KIRREL3: variants seen among roughly 807,000 people sequenced by gnomAD.
KIRREL3 encodes the protein kin of IRRE-like protein 3.
Under a neutral mutation model 89.7 loss-of-function variants are expected in KIRREL3, and 36 were observed. The ratio of observed to expected loss-of-function variants is 0.40; its 90% CI spans 0.31 to 0.53. The LOEUF (loss-of-function observed/expected upper bound fraction) is 0.53, where lower values mean the gene tolerates loss of function less well. Ranked by LOEUF, KIRREL3 falls within the 20% of genes least tolerant of loss-of-function variation. KIRREL3 has a pLI of 0.49. For missense variants in KIRREL3, 864 were observed against 1,056.6 expected (o/e 0.82, Z 2.53); for synonymous variants, 445 against 441.4 (o/e 1.01, Z -0.10).
rs1274111623 is a variant in KIRREL3, at chr11:126,898,985, A to T, written c.55+101470T>A. Among the ~76,000 whole-genome samples the T allele has an allele frequency of 2.9e-5, 4 of 137,612 alleles. No homozygotes were observed. The highest frequency in any genetic ancestry group is 1.2e-4 in the African/African-American group (4 of 34,058). 90.3% of individuals were successfully genotyped at this position (137,612 alleles called of 152,430 possible). On this transcript the variant is annotated intron_variant, in intron 1 of 16. Transcript: ENST00000525144. This position sits in a 1 kb window ranked among gnomAD's most constrained non-coding sequence, Gnocchi z 4.9. ...AATCAGAGGGGGATGCTGTAAGATG[A>T]GACTTAAAAGCCGCAGGGGAGTTTG...
At position 126,430,257 on chromosome 11, in the gene KIRREL3, C is replaced by A. The variant is rs1268811112; in HGVS notation, c.1697-969G>T. Among the ~76,000 whole-genome samples the A allele has an allele frequency of 2.0e-5, 3 of 152,110 alleles. No individual in the cohort carries two copies. Among genetic ancestry groups the A allele is most frequent in the African/African-American group, 7.2e-5 (3 of 41,518 alleles). ...GCCAGGAGTTCGAGACCAGCCTGGG[C>A]AACATGGTGAAATCCTGTCTCTGCA... On this transcript the variant is annotated intron_variant, in intron 14 of 16. Coordinates refer to ENST00000525144, the MANE Select transcript of KIRREL3 (RefSeq NM_032531.4). The surrounding 1 kb of genome is among the most constrained non-coding windows in gnomAD (Gnocchi z 6.6).
Position 126,438,508 on chromosome 11 carries a change from C to A in KIRREL3, c.1354-1499G>T, listed in dbSNP as rs193152815. Among the ~76,000 whole-genome samples, 12 of 152,326 alleles carry A rather than the reference C, an allele frequency of 7.9e-5. No individual in the cohort carries two copies. The East Asian group carries it at 2.3e-3, about 29-fold the overall frequency. The stretch of plus-strand genomic sequence containing the variant: ...CTACACACCCGGTGCCAGGAGTATC[C>A]TCCAAGTGATGACAACCAAAATGTC... On this transcript the variant is annotated intron_variant, in intron 11 of 16. Transcript: ENST00000525144.
Position 126,428,466 on chromosome 11 carries a change from G to A in KIRREL3, c.1806+713C>T, listed in dbSNP as rs1955016860. Among the ~76,000 whole-genome samples the A allele has an allele frequency of 6.6e-6, 1 of 152,108 alleles. No homozygotes were observed. Among genetic ancestry groups the A allele is most frequent in the African/African-American group, 2.4e-5 (1 of 41,404 alleles). ...GAGGAACCTGTGTTTCTTGCAGACT[G>A]TTTTGGTGGGGTGCGGGGGATGAGG... On this transcript the variant is annotated intron_variant, in intron 15 of 16. Transcript: ENST00000525144. The surrounding 1 kb of genome is among the most constrained non-coding windows in gnomAD (Gnocchi z 6.4).
intron 1 of KIRREL3, among the ~76,000 whole-genome samples, chr11:126,878,442 C>T (rs1423750894): frequency 2.0e-5 from 3 of 151,852 alleles, no homozygotes; most frequent in African/African-American, 4.8e-5. Context: ...TTCAAAACTG[C>T]ACTAAAACTT....
At chr11:126,660,707 T>C (rs7124171) in intron 1 of KIRREL3, among the ~76,000 whole-genome samples, 2,685 of 152,280 alleles carry the variant, frequency 0.018, 97 homozygotes, top group African/African-American at 0.061. Context: ...GTCACATTGA[T>C]TGCCAAGTCA....
rs977464295 is a variant in KIRREL3, at chr11:126,569,849, A to G, written c.56-6937T>C. Among the ~76,000 whole-genome samples, 1 of 152,150 alleles carries G rather than the reference A, an allele frequency of 6.6e-6. No individual in the cohort carries two copies. The highest frequency in any genetic ancestry group is 2.4e-5 in the African/African-American group (1 of 41,414). On this transcript the variant is annotated intron_variant, in intron 1 of 16. Transcript: ENST00000525144. This position sits in a 1 kb window ranked among gnomAD's most constrained non-coding sequence, Gnocchi z 6.5. ...TTTTTGTCTATCAATAGCCATCAGT[A>G]GCCATTCTGCCCAGCGATGCCATTC...
In KIRREL3 at chr11:126,521,798, G is replaced by A. The variant is rs891663298; in HGVS notation, c.284-334C>T. 2.0e-5 allele frequency among the ~76,000 whole-genome samples: 3 copies of A among 151,922 alleles called. No homozygotes were observed. The highest frequency in any genetic ancestry group is 4.4e-5 in the Non-Finnish European group (3 of 68,012). On this transcript the variant is annotated intron_variant, in intron 3 of 16. Transcript: ENST00000525144. The surrounding 1 kb of genome is among the most constrained non-coding windows in gnomAD (Gnocchi z 4.1). ...CTTGCTCTGTCACTCAGATTGGAGTGTAGTGGCAGGATCATAGCTCACTGC... is the reference window on the plus strand; with the variant it reads ...CTTGCTCTGTCACTCAGATTGGAGTATAGTGGCAGGATCATAGCTCACTGC...
Position 126,527,699 on chromosome 11 carries a change from T to G in KIRREL3, c.134-1012A>C, listed in dbSNP as rs1159714443. Among the ~76,000 whole-genome samples the G allele has an allele frequency of 6.6e-6, 1 of 152,072 alleles. No homozygotes were observed. Among genetic ancestry groups the G allele is most frequent in the Non-Finnish European group, 1.5e-5 (1 of 68,006 alleles). Reference sequence around the variant, plus strand: ...TTGTCAACCCCATTTGACAGGACTTTGGGAAACGGAGGCTCAGGGTTAACT... The same window carrying G: ...TTGTCAACCCCATTTGACAGGACTTGGGGAAACGGAGGCTCAGGGTTAACT... On this transcript the variant is annotated intron_variant, in intron 2 of 16. Transcript: ENST00000525144. The surrounding 1 kb of genome is among the most constrained non-coding windows in gnomAD (Gnocchi z 4.2).
chr11:126,826,129 TG>T (rs1943402279), intron 1 of KIRREL3, among the ~76,000 whole-genome samples: 1 of 152,170 alleles, frequency 6.6e-6, no homozygotes, highest in Admixed American at 6.5e-5. Flanking sequence ...CCCCAGCTCT[TG>T]GATGTCTTCC....
At chr11:126,598,575 T>C (rs1942504601) in intron 1 of KIRREL3, among the ~76,000 whole-genome samples, 1 of 152,194 alleles carries the variant, frequency 6.6e-6, no homozygotes, top group Non-Finnish European at 1.5e-5. Flanking sequence ...TTTATGACCA[T>C]GAGGTATGAC....
intron 1 of KIRREL3, among the ~76,000 whole-genome samples, chr11:126,591,476 C>T (rs760875166): frequency 1.3e-5 from 2 of 152,184 alleles, no homozygotes; most frequent in South Asian, 4.1e-4. Context: ...CTGCACTTCC[C>T]AGTGATGAGG....
At chr11:126,533,319 C>T (rs571346397) in intron 2 of KIRREL3, among the ~76,000 whole-genome samples, 13 of 152,280 alleles carry the variant, frequency 8.5e-5, no homozygotes, top group Admixed American at 5.2e-4. Flanking sequence ...ATTTGGACTT[C>T]GCCCACTGTG....
At chr11:126,760,328 T>A (rs564974485) in intron 1 of KIRREL3, among the ~76,000 whole-genome samples, 3 of 152,354 alleles carry the variant, frequency 2.0e-5, no homozygotes, top group Non-Finnish European at 4.4e-5. Context: ...GGAGTAGAGA[T>A]GAGAACTCAT....
intron 2 of KIRREL3, among the ~76,000 whole-genome samples, chr11:126,540,568 G>A (rs1034371095): frequency 1.3e-5 from 2 of 152,216 alleles, no homozygotes; most frequent in East Asian, 1.9e-4. Context: ...TCAGGCTCGC[G>A]GCCCCTGCCA....
chr11:126,751,504 G>A (rs1949334576), intron 1 of KIRREL3, among the ~76,000 whole-genome samples: 1 of 152,138 alleles, frequency 6.6e-6, no homozygotes, highest in Non-Finnish European at 1.5e-5. Flanking sequence ...TTCGTCACAG[G>A]GAGAGATGAT....
rs1446080090 is a variant in KIRREL3, at chr11:126,526,483, G to C, written c.283+55C>G. ...GGGTGCTCCCTAGGAAGGTGGATGG[G>C]TGAGTAAGGAAGTGATGGCCCCAGG... On this transcript the variant is annotated intron_variant, in intron 3 of 16. Transcript: ENST00000525144. This position sits in a 1 kb window ranked among gnomAD's most constrained non-coding sequence, Gnocchi z 5.7. 1 of 1,550,488 alleles carries C rather than the reference G, an allele frequency of 6.4e-7. No homozygotes were observed. The highest frequency in any genetic ancestry group is 1.2e-5 in the South Asian group (1 of 85,496).
At chr11:126,702,521 C>T (rs1281361669) in intron 1 of KIRREL3, among the ~76,000 whole-genome samples, 2 of 152,206 alleles carry the variant, frequency 1.3e-5, no homozygotes, top group East Asian at 3.9e-4. Context: ...GGCAGATCTC[C>T]CAACCCTTGG....
rs1591600072 is a variant in KIRREL3, at chr11:126,474,137, T to TG, written c.434-672dup. Among the ~76,000 whole-genome samples the TG allele has an allele frequency of 6.6e-6, 1 of 151,924 alleles. No individual in the cohort carries two copies. The highest frequency in any genetic ancestry group is 1.5e-5 in the Non-Finnish European group (1 of 67,992). On this transcript the variant is annotated intron_variant, in intron 4 of 16. Coordinates refer to ENST00000525144, the MANE Select transcript of KIRREL3 (RefSeq NM_032531.4). This position sits in a 1 kb window ranked among gnomAD's most constrained non-coding sequence, Gnocchi z 6.7. ...TTAATTTTTGTATTTTTAGTAGAGA[T>TG]GGGGTTTCACCATGTTGGCCAGGCT...
At chr11:126,577,139 G>C (rs894961694) in intron 1 of KIRREL3, among the ~76,000 whole-genome samples, 1 of 152,176 alleles carries the variant, frequency 6.6e-6, no homozygotes, top group Non-Finnish European at 1.5e-5. Flanking sequence ...CAAAATGTTT[G>C]TCTTAGCCGC....
Sources: allele counts gnomAD v4.1 joint callset (sites outside exome capture counted in the v4.1 genomes callset), GRCh38; gene constraint gnomAD v4.1.1; non-coding constraint Gnocchi (gnomAD v3.1); transcripts MANE v1.5; gene names NCBI Gene and HGNC (gene_info 2026-07-23, HGNC 2026-07-21).